The following CAMSAP2 variants were observed in gnomAD, a reference collection of about 807,000 sequenced individuals.
CAMSAP2 encodes calmodulin-regulated spectrin-associated protein 2.
CAMSAP2 carries 26 observed loss-of-function variants against 146.1 expected under a neutral mutation model. The observed-to-expected ratio is 0.18, with a 90% confidence interval of 0.13 to 0.25. The LOEUF (loss-of-function observed/expected upper bound fraction) is 0.25, where lower values mean the gene tolerates loss of function less well. CAMSAP2 is among the 10% of genes least tolerant of loss of function. The probability of loss-of-function intolerance (pLI) is 1.00; values close to 1 mark genes in which losing one functional copy is unlikely to be tolerated. For missense variants in CAMSAP2, 1,381 were observed against 1,759.3 expected, an observed-to-expected ratio of 0.78 and a Z score of 3.85; for synonymous variants, 499 against 596.6, an observed-to-expected ratio of 0.84 and a Z score of 2.38.
intron 8 of CAMSAP2, among the ~76,000 whole-genome samples, chr1:200,846,060 A>G (rs970431454): frequency 3.3e-5 from 5 of 152,172 alleles, no homozygotes; most frequent in African/African-American, 1.2e-4. Flanking sequence ...CGTTAAAACT[A>G]ATGTCTTTTG....
Position 200,739,800 on chromosome 1 carries a change from G to A in CAMSAP2, c.-28G>A, listed in dbSNP as rs376334323. The A allele has an allele frequency of 6.3e-7, 1 of 1,583,958 alleles. No individual in the cohort carries two copies. The highest frequency in any genetic ancestry group is 8.6e-7 in the Non-Finnish European group (1 of 1,161,838). Reference sequence around the variant, plus strand: ...GCCACGCCATGTGAAGGTTAGGGCCGGGACATCCCGAGGAGCCGCGGTGAA... The same window carrying A: ...GCCACGCCATGTGAAGGTTAGGGCCAGGACATCCCGAGGAGCCGCGGTGAA... On this transcript the variant is annotated 5_prime_UTR_variant, in exon 1 of 17. Transcript: ENST00000358823. This position sits in a 1 kb window ranked among gnomAD's most constrained non-coding sequence, Gnocchi z 4.8.
intron 2 of CAMSAP2, among the ~76,000 whole-genome samples, chr1:200,796,558 A>G (rs1429066815): frequency 6.6e-6 from 1 of 152,068 alleles, no homozygotes; most frequent in Non-Finnish European, 1.5e-5. Context: ...TTAGGAAAGT[A>G]TTGCCATCCT....
intron 3 of CAMSAP2, among the ~76,000 whole-genome samples, chr1:200,814,231 C>G (rs546635374): frequency 2.0e-5 from 3 of 152,000 alleles, no homozygotes; most frequent in Admixed American, 6.5e-5. Context: ...TTCTTCCCCT[C>G]CCCGAATTGG....
At chr1:200,847,154 C>T in intron 8 of CAMSAP2, 56 bp from the exon 9 acceptor site, 2 of 1,307,488 alleles carry the variant, frequency 1.5e-6, no homozygotes, top group Non-Finnish European at 2.1e-6. Flanking sequence ...GACATTCTAC[C>T]TAAATTTATA....
chr1:200,817,165 C>CGT (rs1553288765), intron 4 of CAMSAP2, among the ~76,000 whole-genome samples: 9 of 68,044 alleles, frequency 1.3e-4, no homozygotes, highest in African/African-American at 2.3e-4. Context: ...CATACACACA[C>CGT]GTGTGTGTAT....
chr1:200,783,720 C>T (rs1164201557), intron 2 of CAMSAP2, among the ~76,000 whole-genome samples: 1 of 152,120 alleles, frequency 6.6e-6, no homozygotes, highest in East Asian at 1.9e-4. Flanking sequence ...AACTCCTGGG[C>T]TCAAGTAGTC....
rs142116389 is a variant in CAMSAP2 at position 200,753,936 on chromosome 1, C to T, written c.140-6903C>T. On this transcript the variant is annotated intron_variant, in intron 1 of 16. Coordinates refer to ENST00000358823, the MANE Select transcript of CAMSAP2 (RefSeq NM_203459.4). ...GCCTGAGAGGTACCCAGAGACAAAT[C>T]ACGTGGCAGCCAGGCAGCCCCAGAG... Among the ~76,000 whole-genome samples the T allele has an allele frequency of 2.0e-3, 310 of 152,316 alleles. 1 individual carries two copies. The highest frequency in any genetic ancestry group is 7.2e-3 in the African/African-American group (301 of 41,580).
rs760677817 is a variant in CAMSAP2, at chr1:200,832,251, TTGG to T, written c.699_701del (p.Val234del). On this transcript the variant is annotated inframe_deletion, in exon 5 of 17. Coordinates refer to ENST00000358823, the MANE Select transcript of CAMSAP2 (RefSeq NM_203459.4). This position sits in a 1 kb window ranked among gnomAD's most constrained non-coding sequence, Gnocchi z 4.2. ...GCTTAAGCAACTGCCTTGCATTCCA[TTGG>T]TAGAAAATTTGTTGAAGGATGGGAC... The T allele has an allele frequency of 6.2e-7, 1 of 1,613,778 alleles. No homozygotes were observed. The highest frequency in any genetic ancestry group is 2.2e-5 in the East Asian group (1 of 44,854).
chr1:200,850,718 T>C (rs1246191237), intron 11 of CAMSAP2, among the ~76,000 whole-genome samples: 3 of 152,226 alleles, frequency 2.0e-5, no homozygotes, highest in African/African-American at 7.2e-5. Flanking sequence ...TTCTATTCCA[T>C]TTATTTACAC....
At chr1:200,816,605 A>ATATATATATAT (rs1553288218) in intron 4 of CAMSAP2, among the ~76,000 whole-genome samples, 1 of 111,214 alleles carries the variant, frequency 9.0e-6, no homozygotes, top group East Asian at 2.5e-4. Flanking sequence ...AAAAAAAAAA[A>ATATATATATAT]ATATATATAT....
At chr1:200,850,838 A>C (rs1667600987) in intron 11 of CAMSAP2, among the ~76,000 whole-genome samples, 1 of 152,218 alleles carries the variant, frequency 6.6e-6, no homozygotes. Context: ...TAAAGGTGAT[A>C]GTTCCAAGAG....
intron 4 of CAMSAP2, among the ~76,000 whole-genome samples, chr1:200,822,236 T>C (rs1366092537): frequency 2.0e-5 from 3 of 151,984 alleles, no homozygotes; most frequent in Non-Finnish European, 4.4e-5. Flanking sequence ...TACCCCTTAA[T>C]ACTTCAATAT....
In CAMSAP2 at chr1:200,795,361, G is replaced by A. The variant is rs572317449; in HGVS notation, c.400-12015G>A. On this transcript the variant is annotated intron_variant, in intron 2 of 16. Transcript: ENST00000358823. ...TGCTGTTCTTGGGCTTCTCTCTAGA[G>A]ATCTAATGAGTCAGCCTCTAAGGTT... 6.6e-5 allele frequency among the ~76,000 whole-genome samples: 10 copies of A among 152,256 alleles called. No individual in the cohort carries two copies. The South Asian group carries it at 1.9e-3, about 28-fold the overall frequency.
chr1:200,844,948 A>G, intron 8 of CAMSAP2, 79 bp downstream of exon 8: 1 of 715,450 alleles, frequency 1.4e-6, no homozygotes, highest in East Asian at 3.4e-5. Context: ...ATTACATTAA[A>G]TAAGGTTTTT....
At chr1:200,746,641 C>G (rs1181118561) in intron 1 of CAMSAP2, among the ~76,000 whole-genome samples, 1 of 145,860 alleles carries the variant, frequency 6.9e-6, no homozygotes, top group African/African-American at 2.6e-5. Flanking sequence ...TTTTTTGAGA[C>G]GGAGTCTTGC....
chr1:200,814,131 C>CGGGGGGAGGGGTGGGTG (rs1666411725), intron 3 of CAMSAP2, among the ~76,000 whole-genome samples: 1 of 14,302 alleles, frequency 7.0e-5, no homozygotes, highest in Admixed American at 8.5e-4. Flanking sequence ...AAAAAGGTGG[C>CGGGGGGAGGGGTGGGTG]GGGGGGAGGG....
chr1:200,817,861 C>G (rs1666649010), intron 4 of CAMSAP2, among the ~76,000 whole-genome samples: 1 of 152,212 alleles, frequency 6.6e-6, no homozygotes, highest in Non-Finnish European at 1.5e-5. Context: ...GTCCTTTACC[C>G]TAAAGGTAGA....
intron 7 of CAMSAP2, among the ~76,000 whole-genome samples, chr1:200,844,460 A>G (rs1667409560): frequency 6.6e-6 from 1 of 152,006 alleles, no homozygotes; most frequent in Non-Finnish European, 1.5e-5. Context: ...AGGCAGGAGA[A>G]TTGCTTGAAC....
chr1:200,822,589 G>GC (rs1348620365), intron 4 of CAMSAP2, among the ~76,000 whole-genome samples: 1 of 152,090 alleles, frequency 6.6e-6, no homozygotes, highest in South Asian at 2.1e-4. Context: ...ATTTACCCCT[G>GC]CTAGATAATG....
Sources: gnomAD v4.1 joint callset for allele counts (sites outside exome capture counted in the v4.1 genomes callset) on GRCh38, gnomAD v4.1.1 for gene constraint, Gnocchi (gnomAD v3.1) non-coding constraint, MANE v1.5 for transcripts, NCBI Gene and HGNC (gene_info 2026-07-23, HGNC 2026-07-21) for gene names.